Variants in RNF115 observed in about 807,000 individuals in gnomAD.
RNF115 encodes E3 ubiquitin-protein ligase RNF115.
RNF115 carries 31 observed loss-of-function variants against 39.2 expected under a neutral mutation model. The ratio of observed to expected loss-of-function variants is 0.79; its 90% CI spans 0.59 to 1.07. The LOEUF is 1.07. Among genes scored for constraint, RNF115 ranks in the 50% least tolerant of loss-of-function variants. The pLI is 0.00. For missense variants in RNF115, 384 were observed against 381.7 expected, an observed-to-expected ratio of 1.01 and a Z score of -0.05; for synonymous variants, 124 against 131.0, an observed-to-expected ratio of 0.95 and a Z score of 0.37.
At chr1:145,759,396 TA>T (rs1229794791) in intron 4 of RNF115, among the ~76,000 whole-genome samples, 2 of 152,326 alleles carry the variant, frequency 1.3e-5, no homozygotes, top group African/African-American at 4.8e-5. Context: ...TTACTCCTCC[TA>T]ATGTTCCCCA....
chr1:145,784,401 AGGG>A, intron 3 of RNF115, 135 bp downstream of exon 3: 1 of 745,940 alleles, frequency 1.3e-6, no homozygotes, highest in African/African-American at 1.7e-5. Context: ...AATCTTCCCA[AGGG>A]TTACTACGGC....
intron 4 of RNF115, among the ~76,000 whole-genome samples, chr1:145,771,210 C>A (rs1014073491): frequency 6.6e-6 from 1 of 152,160 alleles, no homozygotes; most frequent in Non-Finnish European, 1.5e-5. Context: ...ATGCCTTTAT[C>A]CTGGAAGTGG....
intron 4 of RNF115, among the ~76,000 whole-genome samples, chr1:145,771,256 T>G (rs782026020): frequency 6.6e-6 from 1 of 152,198 alleles, no homozygotes; most frequent in African/African-American, 2.4e-5. Context: ...AATAAAAGGA[T>G]GAGTGTGGCA....
At chr1:145,809,488 A>ATTTTTTTTTTTTTTTTTT (rs781918386) in intron 1 of RNF115, among the ~76,000 whole-genome samples, 16 of 46,342 alleles carry the variant, frequency 3.5e-4, no homozygotes, top group African/African-American at 1.2e-3. Context: ...GACCCAGCTA[A>ATTTTTTTTTTTTTTTTTT]TTTTTTTTTT....
intron 4 of RNF115, among the ~76,000 whole-genome samples, chr1:145,760,516 A>C (rs1033556213): frequency 2.0e-5 from 3 of 152,108 alleles, no homozygotes; most frequent in Non-Finnish European, 4.4e-5. Flanking sequence ...TGCTATTCTC[A>C]TGACAGTAAG....
intron 1 of RNF115, among the ~76,000 whole-genome samples, chr1:145,801,162 G>A (rs182296707): frequency 2.4e-4 from 37 of 152,008 alleles, no homozygotes; most frequent in African/African-American, 8.7e-4. Flanking sequence ...AGCGCAGAGC[G>A]CACAGCAAGA....
intron 1 of RNF115, among the ~76,000 whole-genome samples, chr1:145,800,151 A>G (rs782116602): frequency 6.6e-6 from 1 of 152,210 alleles, no homozygotes; most frequent in Non-Finnish European, 1.5e-5. Context: ...AGTTAACCAA[A>G]CCATATACTG....
intron 7 of RNF115, 79 bp downstream of exon 7, chr1:145,750,328 A>T: frequency 8.8e-7 from 1 of 1,138,098 alleles, no homozygotes; most frequent in Non-Finnish European, 1.3e-6. Flanking sequence ...TCACTTTTTA[A>T]ACTTTTCACC....
At chr1:145,790,495 C>T (rs896313027) in intron 1 of RNF115, among the ~76,000 whole-genome samples, 1 of 151,838 alleles carries the variant, frequency 6.6e-6, no homozygotes, top group Admixed American at 6.6e-5. Context: ...TGCAATGGCA[C>T]GGTCTTGGCT....
chr1:145,802,336 A>G (rs1236291975), intron 1 of RNF115, among the ~76,000 whole-genome samples: 2 of 152,220 alleles, frequency 1.3e-5, no homozygotes, highest in Non-Finnish European at 2.9e-5. Context: ...CCAAGAGGAC[A>G]CAAAGCACTA....
intron 2 of RNF115, 99 bp from the exon 3 acceptor site, chr1:145,784,695 A>C (rs1160357419): frequency 6.0e-6 from 6 of 998,976 alleles, no homozygotes; most frequent in Non-Finnish European, 9.4e-6. Context: ...AAGCCCAATA[A>C]GGAAAAATAA....
chr1:145,805,048 A>T (rs1389614540), intron 1 of RNF115, among the ~76,000 whole-genome samples: 9 of 151,246 alleles, frequency 6.0e-5, no homozygotes, highest in African/African-American at 2.2e-4. Flanking sequence ...ATAAATATTA[A>T]AAAAAAAACC....
intron 1 of RNF115, among the ~76,000 whole-genome samples, chr1:145,816,853 C>G (rs1650016548): frequency 8.9e-6 from 1 of 111,936 alleles, no homozygotes; most frequent in Non-Finnish European, 2.0e-5. Context: ...ACTGTAACCT[C>G]AAATATCCTG....
intron 1 of RNF115, among the ~76,000 whole-genome samples, chr1:145,794,933 T>A (rs1648892466): frequency 6.8e-6 from 1 of 147,374 alleles, no homozygotes; most frequent in African/African-American, 2.5e-5. Flanking sequence ...AGGAGAATGG[T>A]GTGAACCCGG....
At chr1:145,767,573 T>C (rs1326568781) in intron 4 of RNF115, among the ~76,000 whole-genome samples, 2 of 152,064 alleles carry the variant, frequency 1.3e-5, no homozygotes, top group Admixed American at 1.3e-4. Flanking sequence ...GAAGGGGTGG[T>C]GGCCGGGCAG....
At chr1:145,767,272 C>T (rs1362690183) in intron 4 of RNF115, among the ~76,000 whole-genome samples, 3 of 132,784 alleles carry the variant, frequency 2.3e-5, no homozygotes, top group African/African-American at 5.8e-5. Context: ...GGCTGCCCGG[C>T]GGAGGAGCTT....
rs587648254 is a variant in RNF115, at chr1:145,761,883, C to T, written c.429-8834G>A. ...AGCAGCCGGGAGGGAGGTTGGACCC[C>T]GCAAAGCTACAGGGGTGGAGCTGCC... On this transcript the variant is annotated intron_variant, in intron 4 of 8. Transcript: ENST00000582693. Among the ~76,000 whole-genome samples the T allele has an allele frequency of 3.2e-4, 48 of 152,276 alleles. No individual in the cohort carries two copies. The East Asian group carries it at 3.7e-3, about 12-fold the overall frequency.
At chr1:145,767,657 C>T (rs1166961221) in intron 4 of RNF115, among the ~76,000 whole-genome samples, 1 of 152,162 alleles carries the variant, frequency 6.6e-6, no homozygotes, top group African/African-American at 2.4e-5. Flanking sequence ...GCCGAGATCA[C>T]GCCACTGCAC....
At chr1:145,780,231 A>C (rs1217451489) in intron 3 of RNF115, among the ~76,000 whole-genome samples, 1 of 151,584 alleles carries the variant, frequency 6.6e-6, no homozygotes, top group Non-Finnish European at 1.5e-5. Context: ...CCGTCTCAAA[A>C]AAACAAACAA....
Sources: gnomAD v4.1 joint callset for allele counts (sites outside exome capture counted in the v4.1 genomes callset) on GRCh38, gnomAD v4.1.1 for gene constraint, MANE v1.5 for transcripts, NCBI Gene and HGNC (gene_info 2026-07-23, HGNC 2026-07-21) for gene names.